Variants in MGAM2 observed in about 807,000 individuals in gnomAD.
The protein encoded by MGAM2 is maltase-glucoamylase 2 (putative).
MGAM2 carries 98 observed loss-of-function variants against 96.1 expected under a neutral mutation model. The ratio of observed to expected loss-of-function variants is 1.02; its 90% CI spans 0.87 to 1.21. The LOEUF is 1.21. Among genes scored for constraint, MGAM2 ranks in the 50% most tolerant of loss-of-function variants. The pLI is 0.00. For synonymous variants in MGAM2, 749 were observed against 414.8 expected (o/e 1.81, Z -9.79); for missense variants, 2,055 against 1,182.4 (o/e 1.74, Z -10.82).
In MGAM2 at chr7:142,221,292, T is replaced by A. The variant is rs1797920590; in HGVS notation, c.6781T>A (p.Ser2261Thr). ...TAATAGTATTTCCATAACAACTACT[T>A]CTTTTGGTAATAGTGTTCCTTTTGT... ...TSNSISITTT[S>T]FGNSVPFVTT... Residue 2261 changes from serine to threonine, a missense_variant, in exon 48 of 48, where the codon TCT (serine) becomes ACT (threonine). Transcript: ENST00000477922. The A allele has an allele frequency of 1.5e-6, 1 of 672,850 alleles. No homozygotes were observed. Among genetic ancestry groups the A allele is most frequent in the Admixed American group, 2.1e-5 (1 of 47,594 alleles). 41.7% of individuals were successfully genotyped at this position (672,850 alleles called of 1,614,324 possible). A position where few individuals can be genotyped will look rare whatever the true frequency, so the allele number is the denominator to read the frequency against.
intron 17 of MGAM2, among the ~76,000 whole-genome samples, chr7:142,157,532 C>T (rs1270089748): frequency 6.6e-6 from 1 of 152,112 alleles, no homozygotes; most frequent in Non-Finnish European, 1.5e-5. Flanking sequence ...GCTGGAATTA[C>T]AGGCACGTGC....
intron 31 of MGAM2, among the ~76,000 whole-genome samples, chr7:142,175,207 C>T (rs1237027613): frequency 6.6e-6 from 1 of 152,012 alleles, no homozygotes; most frequent in Admixed American, 6.6e-5. Context: ...GAGATATGTT[C>T]CTTTAGTACC....
In MGAM2 at chr7:142,161,200, C is replaced by T. The variant is rs1282029533; in HGVS notation, c.2421C>T (p.Asp807=). ...CAAAGGGGGAGCTGTACTGGGATGA[C>T]GGTGTATCTAAAGGTAGACTTTCTC... ...REAKGELYWD[D]GVSKDAVTEK... Residue 807 remains aspartate, a synonymous_variant, in exon 22 of 48, where the codon GAC becomes GAT. Coordinates refer to ENST00000477922, the MANE Select transcript of MGAM2 (RefSeq NM_001293626.2). 10 of 702,256 alleles carry T rather than the reference C, an allele frequency of 1.4e-5. No individual in the cohort carries two copies. Among genetic ancestry groups the T allele is most frequent in the Non-Finnish European group, 2.1e-5 (8 of 384,626 alleles). 43.5% of individuals were successfully genotyped at this position (702,256 alleles called of 1,614,324 possible).
intron 38 of MGAM2, 29 bp downstream of exon 38, chr7:142,196,316 G>A: frequency 1.4e-6 from 1 of 707,402 alleles, no homozygotes; most frequent in South Asian, 1.5e-5. Flanking sequence ...AGGGGCCTGT[G>A]CTGGCAGGGA....
intron 6 of MGAM2, among the ~76,000 whole-genome samples, chr7:142,132,864 TTAAA>T (rs1395547156): frequency 7.7e-6 from 1 of 129,120 alleles, no homozygotes; most frequent in African/African-American, 3.0e-5. Context: ...ATATTATATA[TTAAA>T]TTAAATATAA....
chr7:142,136,718 T>A, intron 8 of MGAM2, 78 bp downstream of exon 8: 1 of 581,936 alleles, frequency 1.7e-6, no homozygotes, highest in Non-Finnish European at 3.0e-6. Context: ...ACTTTTATGG[T>A]GAGATCAACT....
intron 15 of MGAM2, among the ~76,000 whole-genome samples, chr7:142,153,112 C>T (rs1224595617): frequency 2.6e-5 from 4 of 151,474 alleles, no homozygotes; most frequent in Non-Finnish European, 4.4e-5. Context: ...TCTGCTGCCT[C>T]AGTCTTCTGA....
chr7:142,131,443 A>G, intron 4 of MGAM2, 75 bp from the exon 5 acceptor site: 1 of 673,020 alleles, frequency 1.5e-6, no homozygotes, highest in East Asian at 2.7e-5. Context: ...TCTCAAAACA[A>G]AAACAAAAAC....
At chr7:142,142,770 G>A (rs1206095335) in intron 12 of MGAM2, among the ~76,000 whole-genome samples, 3 of 152,088 alleles carry the variant, frequency 2.0e-5, no homozygotes, top group East Asian at 3.9e-4. Context: ...GACTGGTCTC[G>A]AACTCCTGAC....
In MGAM2 at chr7:142,171,074, C is replaced by T. The variant is rs530776031; in HGVS notation, c.3183-198C>T. On this transcript the variant is annotated intron_variant, in intron 27 of 47. Transcript: ENST00000477922. ...AAGGAGCTCTCAGTCTGACAAACCA[C>T]AGAACAGAAATCTAACATGGAACTT... 6 of 614,518 alleles carry T rather than the reference C, an allele frequency of 9.8e-6. No individual in the cohort carries two copies. In the Admixed American group the frequency reaches 1.2e-4, roughly 12 times the overall value. The allele number at this position is 614,518 out of a possible 1,614,324, so 38.1% of individuals were successfully genotyped here. A position where few individuals can be genotyped will look rare whatever the true frequency, so the allele number is the denominator to read the frequency against.
At position 142,185,061 on chromosome 7, in the gene MGAM2, CCTT is replaced by C; in HGVS notation, c.3925-12_3925-10del. On this transcript the variant is annotated splice_polypyrimidine_tract_variant and intron_variant, in intron 33 of 47. Transcript: ENST00000477922. ...AAGGATCTGTAAAGGTTTTAATTGC[CCTT>C]CTTTTTCTCTAGGTTTGGCCAGATC... The C allele has an allele frequency of 1.4e-6, 1 of 702,452 alleles. No homozygotes were observed. The highest frequency in any genetic ancestry group is 1.5e-5 in the South Asian group (1 of 67,504). 43.5% of individuals were successfully genotyped at this position (702,452 alleles called of 1,614,324 possible).
intron 37 of MGAM2, among the ~76,000 whole-genome samples, chr7:142,190,311 G>A (rs993863527): frequency 3.9e-5 from 5 of 129,726 alleles, no homozygotes; most frequent in African/African-American, 1.2e-4. Flanking sequence ...TGGCTCTGTC[G>A]CCCAGGCTGG....
intron 46 of MGAM2, among the ~76,000 whole-genome samples, chr7:142,215,713 G>A (rs907033027): frequency 2.2e-4 from 33 of 147,198 alleles, no homozygotes; most frequent in Non-Finnish European, 4.4e-4. Context: ...AGCCGAGATC[G>A]CGCCATTGCA....
intron 17 of MGAM2, among the ~76,000 whole-genome samples, chr7:142,157,210 A>G (rs778943524): frequency 6.6e-6 from 1 of 151,486 alleles, no homozygotes; most frequent in Admixed American, 6.6e-5. Context: ...AAGGCAATGG[A>G]TTTTTTTTTA....
intron 31 of MGAM2, among the ~76,000 whole-genome samples, chr7:142,174,041 T>C (rs1796287578): frequency 2.0e-5 from 3 of 152,204 alleles, no homozygotes; most frequent in Admixed American, 6.5e-5. Flanking sequence ...GATTTATGTG[T>C]CTGTTCTTGT....
intron 3 of MGAM2, among the ~76,000 whole-genome samples, chr7:142,127,066 T>A (rs1794751804): frequency 6.6e-6 from 1 of 152,238 alleles, no homozygotes; most frequent in Admixed American, 6.5e-5. Flanking sequence ...GGAATCTGGA[T>A]GAATTCTTTA....
chr7:142,153,941 A>G (rs1489720395), intron 15 of MGAM2, 77 bp from the exon 16 acceptor site: 5 of 498,350 alleles, frequency 1.0e-5, no homozygotes, highest in African/African-American at 1.9e-5. Flanking sequence ...TAGAAAGTCC[A>G]TTGCTGCTCT....
chr7:142,155,754 A>AC (rs925943894), intron 17 of MGAM2, among the ~76,000 whole-genome samples: 6 of 152,204 alleles, frequency 3.9e-5, no homozygotes, highest in Admixed American at 1.3e-4. Flanking sequence ...CACTCAGATA[A>AC]CCCAGGAAGC....
chr7:142,204,339 G>T lies in MGAM2; in HGVS notation c.5138-4234G>T, dbSNP rs145858597. Among the ~76,000 whole-genome samples, 615 of 151,780 alleles carry T rather than the reference G, an allele frequency of 4.1e-3. 4 individuals carry two copies. Among genetic ancestry groups the T allele is most frequent in the Non-Finnish European group, 5.4e-3 (363 of 67,820 alleles). On this transcript the variant is annotated intron_variant, in intron 45 of 47. Transcript: ENST00000477922. ...GATATATGAGAGATATTTTTCAAAT[G>T]GTTTTATTTTCTATTTATGGGTGAA...
Sources: allele counts gnomAD v4.1 joint callset (sites outside exome capture counted in the v4.1 genomes callset), GRCh38; gene constraint gnomAD v4.1.1; transcripts MANE v1.5; gene names NCBI Gene and HGNC (gene_info 2026-07-23, HGNC 2026-07-21).